Variants in ZNF607 observed in about 807,000 individuals in gnomAD.
The protein encoded by ZNF607 is zinc finger protein 607.
Under a neutral mutation model 12.8 loss-of-function variants are expected in ZNF607, and 5 were observed. That is an observed-to-expected ratio of 0.39 (90% CI 0.20 to 0.82). The LOEUF (loss-of-function observed/expected upper bound fraction) is 0.82. ZNF607 is among the 40% of genes least tolerant of loss of function. The probability of loss-of-function intolerance (pLI) is 0.39; values close to 1 mark genes in which losing one functional copy is unlikely to be tolerated. For missense variants in ZNF607, 851 were observed against 859.2 expected (o/e 0.99, Z 0.12); for synonymous variants, 287 against 276.2 (o/e 1.04, Z -0.39).
chr19:37,717,219 G>A (rs1568408925), intron 1 of ZNF607, among the ~76,000 whole-genome samples: 3 of 152,072 alleles, frequency 2.0e-5, no homozygotes, highest in South Asian at 2.1e-4. Flanking sequence ...GGAGTCTCGC[G>A]CTGTCGCCCA....
rs1405619907 is a variant in ZNF607, at chr19:37,707,797, G to A, written c.235+117C>T. The A allele has an allele frequency of 3.9e-6, 3 of 763,376 alleles. No individual in the cohort carries two copies. In the East Asian group the frequency reaches 7.8e-5, roughly 20 times the overall value. 47.3% of individuals were successfully genotyped at this position (763,376 alleles called of 1,614,324 possible). ...TCTTCTCCACATCAGAAGCCTCCTC[G>A]CTGAGAAGGGAAATTTATGACCAAT... On this transcript the variant is annotated intron_variant, in intron 4 of 4. Transcript: ENST00000355202.
Position 37,698,312 on chromosome 19 carries a change from G to C in ZNF607, c.1819C>G (p.His607Asp). 1 of 1,614,088 alleles carries C rather than the reference G, an allele frequency of 6.2e-7. No individual in the cohort carries two copies. Among genetic ancestry groups the C allele is most frequent in the Non-Finnish European group, 8.5e-7 (1 of 1,180,022 alleles). Reference sequence around the variant, plus strand: ...TTATCACTGGTATGAATTCTCTCATGAATAATAAGATGTGAAGCATGACTA... The same window carrying C: ...TTATCACTGGTATGAATTCTCTCATCAATAATAAGATGTGAAGCATGACTA... ...TFSHASHLII[H>D]ERIHTSDKPY... Residue 607 changes from histidine to aspartate, a missense_variant, in exon 5 of 5, where the codon CAT becomes GAT. By Grantham distance (81) the His-to-Asp change is moderately conservative (BLOSUM62 -1). Coordinates refer to ENST00000355202, the MANE Select transcript of ZNF607 (RefSeq NM_032689.5).
rs1465845682 is a variant in ZNF607 at position 37,698,196 on chromosome 19, A to G, written c.1935T>C (p.Tyr645=). ...AAGCTTTCCCACACTCTTCACACAT[A>G]TAGGGATTTCCATCAGCATGAACGC... ...HESVHADGNP[Y]MCEECGKAFN... The change falls in exon 5 of 5, where the codon TAT becomes TAC. Residue 645 remains tyrosine (Y), a synonymous_variant. Transcript: ENST00000355202. 2.5e-6 allele frequency: 4 copies of G among 1,614,176 alleles called. No homozygotes were observed. Among genetic ancestry groups the G allele is most frequent in the Non-Finnish European group, 3.4e-6 (4 of 1,180,026 alleles).
intron 1 of ZNF607, among the ~76,000 whole-genome samples, chr19:37,714,958 G>A (rs1407540728): frequency 2.0e-5 from 3 of 152,000 alleles, no homozygotes; most frequent in African/African-American, 4.8e-5. Context: ...CCAGGCTGGA[G>A]TGCAGTGGCA....
In ZNF607 at chr19:37,697,244, C is replaced by T. The variant is rs983712004; in HGVS notation, c.*796G>A. 3 of 759,874 alleles carry T rather than the reference C, an allele frequency of 3.9e-6. No homozygotes were observed. The highest frequency in any genetic ancestry group is 7.3e-6 in the Non-Finnish European group (3 of 413,282). 47.1% of individuals were successfully genotyped at this position (759,874 alleles called of 1,614,324 possible). A position where few individuals can be genotyped will look rare whatever the true frequency, so the allele number is the denominator to read the frequency against. The stretch of plus-strand genomic sequence containing the variant: ...GTACACATGGGATGAGAAAGTGAGT[C>T]CCTTCCCCTACCACAATGTTCTGTA... On this transcript the variant is annotated 3_prime_UTR_variant, in exon 5 of 5. Coordinates refer to ENST00000355202, the MANE Select transcript of ZNF607 (RefSeq NM_032689.5).
Position 37,707,991 on chromosome 19 carries a change from G to A in ZNF607, c.158C>T (p.Pro53Leu), listed in dbSNP as rs762156396. The A allele has an allele frequency of 4.3e-6, 7 of 1,613,608 alleles. No homozygotes were observed. The South Asian group carries it at 7.7e-5, about 18-fold the overall frequency. ...TTGCTCCAATAAGGTGATTAAATCT[G>A]GCTTAGATACGGAATGTCCTGCTTA... The part of the protein sequence containing the change: ...VSLAGHSVSK[P>L]DLITLLEQGK... Residue 53 changes from proline (P) to leucine (L), a missense_variant, in exon 4 of 5, where the codon CCA (proline) becomes CTA (leucine). Transcript: ENST00000355202.
chr19:37,709,814 T>A lies in ZNF607; in HGVS notation c.18A>T (p.Ile6=). The A allele has an allele frequency of 6.2e-7, 1 of 1,613,316 alleles. No homozygotes were observed. Among genetic ancestry groups the A allele is most frequent in the Non-Finnish European group, 8.5e-7 (1 of 1,179,362 alleles). The part of the protein sequence containing the change: MSYGS[I]TFGDVAIDFS... The stretch of plus-strand genomic sequence containing the variant: ...AGTCTATGGCCACATCCCCGAATGT[T>A]ATTGATCCCTGAAACAGCAAACCCA... Residue 6 remains isoleucine (I), a synonymous_variant, in exon 3 of 5, where the codon ATA becomes ATT. Coordinates refer to ENST00000355202, the MANE Select transcript of ZNF607 (RefSeq NM_032689.5).
rs1441586856 is a variant in ZNF607 at position 37,699,133 on chromosome 19, C to A, written c.998G>T (p.Gly333Val). The change falls in exon 5 of 5, where the codon GGG becomes GTG. Residue 333 changes from glycine (G) to valine (V), a missense_variant. Gly to Val is a moderately radical substitution (Grantham distance 109, BLOSUM62 -3). Coordinates refer to ENST00000355202, the MANE Select transcript of ZNF607 (RefSeq NM_032689.5). Reference sequence around the variant, plus strand: ...TTCTTTACATTCATAGTGTTTCTCCCCTGAATAAATTCTCTGATGCATGGT... The same window carrying A: ...TTCTTTACATTCATAGTGTTTCTCCACTGAATAAATTCTCTGATGCATGGT... The part of the protein sequence containing the change: ...QLTMHQRIYS[G>V]EKHYECKENG... The A allele has an allele frequency of 2.5e-6, 4 of 1,614,014 alleles. No homozygotes were observed. Among genetic ancestry groups the A allele is most frequent in the Non-Finnish European group, 3.4e-6 (4 of 1,180,030 alleles).
chr19:37,718,167 T>G (rs777842832), intron 1 of ZNF607, among the ~76,000 whole-genome samples: 4 of 152,100 alleles, frequency 2.6e-5, no homozygotes, highest in South Asian at 4.2e-4. Flanking sequence ...TTTCAGGGGG[T>G]TTGTGATGTC....
At chr19:37,718,528 C>A (rs1390603271) in intron 1 of ZNF607, among the ~76,000 whole-genome samples, 2 of 152,056 alleles carry the variant, frequency 1.3e-5, no homozygotes, top group East Asian at 3.9e-4. Flanking sequence ...GAGGTGGGGG[C>A]GGAGTAACAA....
At position 37,699,536 on chromosome 19, in the gene ZNF607, A is replaced by G; in HGVS notation, c.595T>C (p.Cys199Arg). 6.2e-7 allele frequency: 1 copy of G among 1,614,064 alleles called. No homozygotes were observed. Among genetic ancestry groups the G allele is most frequent in the African/African-American group, 1.3e-5 (1 of 75,040 alleles). The change falls in exon 5 of 5, where the codon TGT becomes CGT. Residue 199 changes from cysteine (C) to arginine (R), a missense_variant. By Grantham distance (180) the Cys-to-Arg change is radical (BLOSUM62 -3). Transcript: ENST00000355202. ...GKVHVEKPYE[C>R]KECGEAFRTS... ...CTAAAAGCTTCCCCACACTCTTTAC[A>G]TTCATAGGGTTTCTCAACATGAACT...
intron 4 of ZNF607, chr19:37,706,640 ACT>A (rs2045086718): frequency 6.6e-6 from 1 of 151,262 alleles, no homozygotes; most frequent in South Asian, 2.1e-4. Flanking sequence ...TACGATTAGC[ACT>A]CTCTTCCCCA....
In ZNF607 at chr19:37,697,581, G is replaced by C. The variant is rs2145219508; in HGVS notation, c.*459C>G. On this transcript the variant is annotated 3_prime_UTR_variant, in exon 5 of 5. Transcript: ENST00000355202. ...TATAGGAAGCAGATGTTGATCATGA[G>C]CATTAAATATGCAGAGTGGCTAAAT... is the stretch of plus-strand genomic sequence containing the variant. 2.1e-6 allele frequency: 1 copy of C among 474,470 alleles called. No individual in the cohort carries two copies. Among genetic ancestry groups the C allele is most frequent in the East Asian group, 3.9e-5 (1 of 25,766 alleles). The allele number at this position is 474,470 out of a possible 1,614,324, so 29.4% of individuals were successfully genotyped here.
In ZNF607 at chr19:37,699,199, C is replaced by A; in HGVS notation, c.932G>T (p.Cys311Phe). 6.2e-7 allele frequency: 1 copy of A among 1,614,174 alleles called. No individual in the cohort carries two copies. Among genetic ancestry groups the A allele is most frequent in the Non-Finnish European group, 8.5e-7 (1 of 1,180,028 alleles). ...TGTAAAGCCCTTCCCGCATTCCTTGCATTCATAGGGTTTTTCTCCAGTATG... is the reference window on the plus strand; with the variant it reads ...TGTAAAGCCCTTCCCGCATTCCTTGAATTCATAGGGTTTTTCTCCAGTATG... ...RIHTGEKPYE[C>F]KECGKGFTCR... Residue 311 changes from cysteine to phenylalanine, a missense_variant, in exon 5 of 5, where the codon TGC becomes TTC. By Grantham distance (205) the Cys-to-Phe change is radical (BLOSUM62 -2). Coordinates refer to ENST00000355202, the MANE Select transcript of ZNF607 (RefSeq NM_032689.5).
chr19:37,717,757 G>T (rs1238529317), intron 1 of ZNF607, among the ~76,000 whole-genome samples: 4 of 130,696 alleles, frequency 3.1e-5, no homozygotes, highest in Non-Finnish European at 6.1e-5. Flanking sequence ...AGTGAGCAGA[G>T]ATCGCACCAT....
rs182911172 is a variant in ZNF607 at position 37,697,113 on chromosome 19, C to T, written c.*927G>A. 59 of 745,390 alleles carry T rather than the reference C, an allele frequency of 7.9e-5. 1 individual carries two copies. Among genetic ancestry groups the T allele is most frequent in the South Asian group, 4.5e-4 (33 of 73,146 alleles). The allele number at this position is 745,390 out of a possible 1,614,324, so 46.2% of individuals were successfully genotyped here. A position where few individuals can be genotyped will look rare whatever the true frequency, so the allele number is the denominator to read the frequency against. ...GCGAGGAAGCTGGCTAGTGATGGGC[C>T]GGAAGAGGATGCACAGTGTGATGTT... On this transcript the variant is annotated 3_prime_UTR_variant, in exon 5 of 5. Coordinates refer to ENST00000355202, the MANE Select transcript of ZNF607 (RefSeq NM_032689.5).
rs1163431446 is a variant in ZNF607 at position 37,711,593 on chromosome 19, G to A, written c.9+17C>T. The A allele has an allele frequency of 5.6e-6, 9 of 1,613,464 alleles. No individual in the cohort carries two copies. The highest frequency in any genetic ancestry group is 4.5e-5 in the East Asian group (2 of 44,894). On this transcript the variant is annotated intron_variant, in intron 2 of 4. Transcript: ENST00000355202. ...AATCACACACAAACCTCCACATGGC[G>A]AGAAATATCAACTTACATAGGACAT...
At chr19:37,707,087 A>C (rs2045090943) in intron 4 of ZNF607, among the ~76,000 whole-genome samples, 1 of 152,186 alleles carries the variant, frequency 6.6e-6, no homozygotes, top group Admixed American at 6.5e-5. Context: ...CGGCCTACCA[A>C]AGTGCTGGGA....
chr19:37,715,858 A>C (rs2045172377), intron 1 of ZNF607, among the ~76,000 whole-genome samples: 2 of 152,172 alleles, frequency 1.3e-5, no homozygotes, highest in Non-Finnish European at 2.9e-5. Context: ...TGGAAATATT[A>C]CCATACTTGC....
Sources: gnomAD v4.1 joint callset for allele counts (sites outside exome capture counted in the v4.1 genomes callset) on GRCh38, gnomAD v4.1.1 for gene constraint, MANE v1.5 for transcripts, NCBI Gene and HGNC (gene_info 2026-07-23, HGNC 2026-07-21) for gene names.